The following TMC7 variants were observed in gnomAD, a reference collection of about 807,000 sequenced individuals.
TMC7 encodes the protein transmembrane channel like 7.
Under a neutral mutation model 82.9 loss-of-function variants are expected in TMC7, and 54 were observed. The ratio of observed to expected loss-of-function variants is 0.65; its 90% confidence interval spans 0.52 to 0.82. The LOEUF is 0.82. Among genes scored for constraint, TMC7 ranks in the 40% least tolerant of loss-of-function variants. The pLI, the probability that TMC7 is intolerant of heterozygous loss-of-function variation, is 0.00. For synonymous variants in TMC7, 350 were observed against 337.9 expected (o/e 1.04, Z -0.39); for missense variants, 820 against 901.2 (o/e 0.91, Z 1.15).
At chr16:19,003,394 C>T (rs1274808867) in intron 1 of TMC7, among the ~76,000 whole-genome samples, 14 of 148,948 alleles carry the variant, frequency 9.4e-5, no homozygotes, top group Non-Finnish European at 1.5e-4. Context: ...CCGCCCCGTC[C>T]GGGAGGGAGG....
At chr16:19,040,490 T>C in intron 9 of TMC7, 44 bp downstream of exon 9, 1 of 1,562,102 alleles carries the variant, frequency 6.4e-7, no homozygotes. Context: ...AGCCAGTCAC[T>C]ACCTGCCCAC....
At chr16:19,056,232 T>C (rs111503942) in intron 13 of TMC7, among the ~76,000 whole-genome samples, 24 of 152,028 alleles carry the variant, frequency 1.6e-4, no homozygotes, top group African/African-American at 5.5e-4. Flanking sequence ...TGGGTGGGCA[T>C]GCACCACCAT....
chr16:19,013,907 G>T (rs1260652380), intron 2 of TMC7, among the ~76,000 whole-genome samples: 1 of 146,424 alleles, frequency 6.8e-6, no homozygotes, highest in East Asian at 2.0e-4. Flanking sequence ...AGGCTGGAGT[G>T]CACTGGCACC....
intron 9 of TMC7, among the ~76,000 whole-genome samples, chr16:19,043,483 T>C (rs1961115828): frequency 6.6e-6 from 1 of 152,204 alleles, no homozygotes. Flanking sequence ...CCCAATGTTA[T>C]GCAGTCATCA....
chr16:19,018,536 C>T (rs887685913), intron 3 of TMC7, among the ~76,000 whole-genome samples: 3 of 152,158 alleles, frequency 2.0e-5, no homozygotes, highest in Admixed American at 6.6e-5. Context: ...CCCAAAGGCT[C>T]ATCTCCAAAT....
intron 1 of TMC7, among the ~76,000 whole-genome samples, chr16:18,994,021 G>A (rs1319702858): frequency 1.3e-5 from 2 of 152,122 alleles, no homozygotes; most frequent in Non-Finnish European, 2.9e-5. Context: ...ATGGGGAAAT[G>A]AAGTGAATGT....
chr16:19,009,894 T>C (rs530923324), intron 2 of TMC7, among the ~76,000 whole-genome samples: 50 of 150,190 alleles, frequency 3.3e-4, no homozygotes, highest in African/African-American at 1.2e-3. Flanking sequence ...TGAGCCGAGA[T>C]TGCGCCACTG....
intron 12 of TMC7, chr16:19,049,745 C>T (rs1447007072): frequency 7.7e-6 from 6 of 780,554 alleles, no homozygotes; most frequent in Non-Finnish European, 9.3e-6. Flanking sequence ...TGCCCCGAGG[C>T]TGGGCACCAA....
intron 2 of TMC7, chr16:19,012,171 AGC>A (rs2142180715): frequency 6.6e-6 from 1 of 152,084 alleles, no homozygotes; most frequent in East Asian, 1.9e-4. Context: ...TCCCTTTGGC[AGC>A]ACATATACTA....
At position 19,011,559 on chromosome 16, in the gene TMC7, A is replaced by G. The variant is rs563209324; in HGVS notation, c.311+2144A>G. 3.4e-5 allele frequency among the ~76,000 whole-genome samples: 5 copies of G among 145,210 alleles called. No homozygotes were observed. In the South Asian group the frequency reaches 1.1e-3, roughly 32 times the overall value. ...TAAATAAATAAATAAAATAATAATA[A>G]TAGAAAAATTAGCTGGGTGTGGTGA... is the stretch of plus-strand genomic sequence containing the variant. On this transcript the variant is annotated intron_variant, in intron 2 of 15. Coordinates refer to ENST00000304381, the MANE Select transcript of TMC7 (RefSeq NM_024847.4).
In TMC7 at chr16:19,050,998, C is replaced by T. The variant is rs375052645; in HGVS notation, c.1741-688C>T. ...AAGTCCTGGCCTCAAGTGATCCTCC[C>T]GTTCTGACCTCCCAAAGTGCTGGAA... On this transcript the variant is annotated intron_variant, in intron 12 of 15. Coordinates refer to ENST00000304381, the MANE Select transcript of TMC7 (RefSeq NM_024847.4). Among the ~76,000 whole-genome samples, 33 of 152,228 alleles carry T rather than the reference C, an allele frequency of 2.2e-4. No homozygotes were observed. The East Asian group carries it at 4.8e-3, about 22-fold the overall frequency.
At chr16:19,014,036 T>A (rs1403772439) in intron 2 of TMC7, among the ~76,000 whole-genome samples, 2 of 151,686 alleles carry the variant, frequency 1.3e-5, no homozygotes, top group South Asian at 2.1e-4. Flanking sequence ...TTGTATTTTT[T>A]ATTTTGTTTT....
intron 1 of TMC7, among the ~76,000 whole-genome samples, chr16:19,004,285 G>A (rs1474643229): frequency 6.6e-6 from 1 of 152,082 alleles, no homozygotes; most frequent in Non-Finnish European, 1.5e-5. Flanking sequence ...GTTCTTCCTA[G>A]GAGGGGGTAG....
At chr16:19,051,136 T>A (rs1208999477) in intron 12 of TMC7, among the ~76,000 whole-genome samples, 1 of 152,112 alleles carries the variant, frequency 6.6e-6, no homozygotes, top group African/African-American at 2.4e-5. Flanking sequence ...CACATACCTG[T>A]GTTTTGGCCC....
At chr16:19,037,386 C>CAAA (rs34990574) in intron 7 of TMC7, among the ~76,000 whole-genome samples, 3 of 13,236 alleles carry the variant, frequency 2.3e-4, no homozygotes, top group Admixed American at 1.0e-3. Context: ...GACTCTGTCT[C>CAAA]AAAAAAAAAA....
chr16:19,003,436 C>A lies in TMC7; in HGVS notation c.68-5736C>A, dbSNP rs1382267687. ...GGGTCAGCCCCCCTGCCCGGCCAGC[C>A]GCCCCGTCCGGGAGGTGAGGGGCGC... On this transcript the variant is annotated intron_variant, in intron 1 of 15. Coordinates refer to ENST00000304381, the MANE Select transcript of TMC7 (RefSeq NM_024847.4). Among the ~76,000 whole-genome samples, 3 of 150,186 alleles carry A rather than the reference C, an allele frequency of 2.0e-5. No homozygotes were observed. In the East Asian group the frequency reaches 6.0e-4, roughly 30 times the overall value.
intron 2 of TMC7, among the ~76,000 whole-genome samples, chr16:19,010,632 A>G (rs1030019938): frequency 4.6e-5 from 7 of 152,250 alleles, no homozygotes; most frequent in Non-Finnish European, 1.0e-4. Context: ...CCAGTCAGCT[A>G]CGCAGCAGAA....
intron 6 of TMC7, among the ~76,000 whole-genome samples, chr16:19,034,700 T>A (rs1960667403): frequency 6.6e-6 from 1 of 151,472 alleles, no homozygotes; most frequent in South Asian, 2.1e-4. Context: ...TATAAAGGGG[T>A]TATTTGAGCC....
intron 8 of TMC7, among the ~76,000 whole-genome samples, chr16:19,038,745 T>C (rs1448773457): frequency 4.6e-5 from 7 of 152,078 alleles, no homozygotes; most frequent in African/African-American, 1.7e-4. Context: ...CTCGAACTCC[T>C]GACCTCAAGA....
Sources: allele counts gnomAD v4.1 joint callset (sites outside exome capture counted in the v4.1 genomes callset), GRCh38; gene constraint gnomAD v4.1.1; transcripts MANE v1.5; gene names NCBI Gene and HGNC (gene_info 2026-07-23, HGNC 2026-07-21).